Variants in ITGA1 observed in about 807,000 individuals in gnomAD.
ITGA1 encodes integrin alpha-1.
In ITGA1, 85 loss-of-function variants were observed where a neutral mutation model predicts 145.9. That is an observed-to-expected ratio of 0.58 (90% CI 0.49 to 0.70). The LOEUF is 0.70. Ranked by LOEUF, ITGA1 falls within the 30% of genes least tolerant of loss-of-function variation. ITGA1 has a pLI of 0.00. For missense variants in ITGA1, 1,351 were observed against 1,418.7 expected (o/e 0.95, Z 0.77); for synonymous variants, 520 against 495.3 (o/e 1.05, Z -0.66).
Position 52,932,111 on chromosome 5 carries a change from T to A in ITGA1, c.2836T>A (p.Tyr946Asn). The change falls in exon 22 of 29, where the codon TAT becomes AAT. Residue 946 changes from tyrosine (Y) to asparagine (N), a missense_variant. By Grantham distance (143) the Tyr-to-Asn change is moderately radical. Transcript: ENST00000282588. ...NVVNISIPVK[Y>N]EVGLQFYSSA... is the part of the protein sequence containing the mutation. ...AGTAAACATTTCTATCCCGGTAAAA[T>A]ATGAAGTTGGACTACAGTTTTACAG... The A allele has an allele frequency of 6.2e-7, 1 of 1,608,578 alleles. No homozygotes were observed. The highest frequency in any genetic ancestry group is 8.5e-7 in the Non-Finnish European group (1 of 1,175,356).
chr5:52,801,827 C>A, intron 1 of ITGA1: 1 of 1,603,456 alleles, frequency 6.2e-7, no homozygotes, highest in South Asian at 1.1e-5. Flanking sequence ...GATTCCAGTT[C>A]TGAAGAGGAT....
intron 10 of ITGA1, 36 bp downstream of exon 10, chr5:52,897,564 T>C (rs1750245885): frequency 6.5e-7 from 1 of 1,537,178 alleles, no homozygotes; most frequent in Non-Finnish European, 9.0e-7. Context: ...GAAATATATG[T>C]TTGCAAGACT....
intron 6 of ITGA1, among the ~76,000 whole-genome samples, chr5:52,878,111 A>G (rs1458761052): frequency 6.6e-6 from 1 of 152,132 alleles, no homozygotes; most frequent in Admixed American, 6.6e-5. Context: ...TGCACTCACC[A>G]TTGCCTGTGG....
At chr5:52,870,440 G>A (rs1190441632) in intron 6 of ITGA1, among the ~76,000 whole-genome samples, 1 of 33,030 alleles carries the variant, frequency 3.0e-5, no homozygotes, top group Non-Finnish European at 6.2e-5. Flanking sequence ...AAAAGACTAT[G>A]AATGTAGTTG....
Position 52,838,663 on chromosome 5 carries a change from AG to A in ITGA1, c.62-10700del, listed in dbSNP as rs545984817. Reference sequence around the variant, plus strand: ...TCCCACAGCAAAATAAAACATAGGTAGGCCTCATTTTATGTTTTGATTATGT... The same window carrying A: ...TCCCACAGCAAAATAAAACATAGGTAGCCTCATTTTATGTTTTGATTATGT... On this transcript the variant is annotated intron_variant, in intron 1 of 28. Coordinates refer to ENST00000282588, the MANE Select transcript of ITGA1 (RefSeq NM_181501.2). 9.8e-5 allele frequency among the ~76,000 whole-genome samples: 15 copies of A among 152,346 alleles called. No homozygotes were observed. In the East Asian group the frequency reaches 2.3e-3, roughly 23 times the overall value.
chr5:52,925,544 T>C, intron 19 of ITGA1, 57 bp downstream of exon 19: 2 of 1,283,090 alleles, frequency 1.6e-6, no homozygotes, highest in Non-Finnish European at 2.3e-6. Context: ...CTGGCCTACT[T>C]TTCATGCTAC....
At chr5:52,901,023 G>A (rs1329470327) in intron 11 of ITGA1, among the ~76,000 whole-genome samples, 1 of 152,140 alleles carries the variant, frequency 6.6e-6, no homozygotes, top group Non-Finnish European at 1.5e-5. Flanking sequence ...TACTTTGCAT[G>A]GCAAAAGGGA....
rs1751338136 is a variant in ITGA1, at chr5:52,958,758, C to T, written c.*6307C>T. ...CTACTGCCCTGAAATATCCATCACT[C>T]CAATGAACTGTTCTGCCTGATCTAA... On this transcript the variant is annotated 3_prime_UTR_variant, in exon 29 of 29. Transcript: ENST00000282588. The T allele has an allele frequency of 6.6e-6, 1 of 152,132 alleles. No homozygotes were observed. The highest frequency in any genetic ancestry group is 1.5e-5 in the Non-Finnish European group (1 of 68,006). 9.4% of individuals were successfully genotyped at this position (152,132 alleles called of 1,614,324 possible). A position where few individuals can be genotyped will look rare whatever the true frequency, so the allele number is the denominator to read the frequency against.
In ITGA1 at chr5:52,849,345, ATT is replaced by A; in HGVS notation, c.62-17_62-16del. On this transcript the variant is annotated intron_variant, in intron 1 of 28. Transcript: ENST00000282588. ...CTCTTAGTTAACTCTATGTAACTGG[ATT>A]TTGTTTTTCTCCTAAAGTTGTTCTA... 6 of 1,583,746 alleles carry A rather than the reference ATT, an allele frequency of 3.8e-6. No homozygotes were observed. The highest frequency in any genetic ancestry group is 4.3e-6 in the Non-Finnish European group (5 of 1,159,284).
At position 52,905,892 on chromosome 5, in the gene ITGA1, C is replaced by T. The variant is rs4145748; in HGVS notation, c.1439C>T (p.Thr480Met). Residue 480 changes from threonine to methionine, a missense_variant, in exon 12 of 29, where the codon ACG (threonine) becomes ATG (methionine). By Grantham distance (81) the Thr-to-Met change is moderately conservative (BLOSUM62 -1). Transcript: ENST00000282588. ...MEDGNIKILQ[T>M]LSGEQIGSYF... is the part of the protein sequence containing the mutation. ...GATGGAAACATCAAAATTCTCCAGACGCTCAGTGGAGAACAGGTAAACTTG... is the reference window on the plus strand; with the variant it reads ...GATGGAAACATCAAAATTCTCCAGATGCTCAGTGGAGAACAGGTAAACTTG... 0.069 allele frequency: 110,377 copies of T among 1,611,068 alleles called. 6,327 individuals are homozygous for T. The highest frequency in any genetic ancestry group is 0.28 in the Admixed American group (17,035 of 59,952).
chr5:52,878,312 T>C (rs1201813161), intron 6 of ITGA1, among the ~76,000 whole-genome samples: 3 of 152,174 alleles, frequency 2.0e-5, no homozygotes, highest in African/African-American at 7.2e-5. Context: ...TATTTTAAGA[T>C]TTACAAAGAA....
Position 52,874,302 on chromosome 5 carries a change from C to T in ITGA1, c.625-7571C>T, listed in dbSNP as rs540697220. ...GCCCCACAAGAGTGAGAACTCACTC[C>T]TGTGATAAAGTCCCTCTTGACTCCT... On this transcript the variant is annotated intron_variant, in intron 6 of 28. Coordinates refer to ENST00000282588, the MANE Select transcript of ITGA1 (RefSeq NM_181501.2). 6.6e-5 allele frequency among the ~76,000 whole-genome samples: 10 copies of T among 152,074 alleles called. No individual in the cohort carries two copies. The South Asian group carries it at 1.9e-3, about 28-fold the overall frequency.
At chr5:52,860,131 T>G (rs1280662172) in intron 2 of ITGA1, among the ~76,000 whole-genome samples, 1 of 152,240 alleles carries the variant, frequency 6.6e-6, no homozygotes, top group African/African-American at 2.4e-5. Context: ...AATGTTGAGA[T>G]TCATCTGAAT....
chr5:52,953,482 T>G lies in ITGA1; in HGVS notation c.*1031T>G, dbSNP rs1480712582. ...TATTTTTAATTTTTTAAAAGGTATT[T>G]AATTTCCAACCACACTTCTTATTTT... On this transcript the variant is annotated 3_prime_UTR_variant, in exon 29 of 29. Coordinates refer to ENST00000282588, the MANE Select transcript of ITGA1 (RefSeq NM_181501.2). The G allele has an allele frequency of 6.6e-6, 1 of 152,246 alleles. No individual in the cohort carries two copies. The highest frequency in any genetic ancestry group is 1.5e-5 in the Non-Finnish European group (1 of 68,036). 9.4% of individuals were successfully genotyped at this position (152,246 alleles called of 1,614,324 possible). A position where few individuals can be genotyped will look rare whatever the true frequency, so the allele number is the denominator to read the frequency against.
rs746464671 is a variant in ITGA1 at position 52,933,883 on chromosome 5, A to G, written c.2862-11A>G. 1 of 1,368,550 alleles carries G rather than the reference A, an allele frequency of 7.3e-7. No homozygotes were observed. Among genetic ancestry groups the G allele is most frequent in the South Asian group, 1.5e-5 (1 of 65,862 alleles). The allele number at this position is 1,368,550 out of a possible 1,614,324, so 84.8% of individuals were successfully genotyped here. ...GTTATGTTTTATTTTTCTTCTAATT[A>G]ATTTTTTAAGCTCTGCAAGTGAATA... On this transcript the variant is annotated splice_polypyrimidine_tract_variant and intron_variant, in intron 22 of 28. Coordinates refer to ENST00000282588, the MANE Select transcript of ITGA1 (RefSeq NM_181501.2).
At chr5:52,800,048 C>G (rs1341171717) in intron 1 of ITGA1, 91 of 312,374 alleles carry the variant, frequency 2.9e-4, no homozygotes, top group Non-Finnish European at 2.4e-5. Context: ...CCTTTGGGGA[C>G]GGGAGACGTG....
At chr5:52,843,942 G>GTTATTA (rs1298686997) in intron 1 of ITGA1, among the ~76,000 whole-genome samples, 1 of 151,848 alleles carries the variant, frequency 6.6e-6, no homozygotes, top group Non-Finnish European at 1.5e-5. Context: ...TATCATTACT[G>GTTATTA]TTATTATTAT....
intron 28 of ITGA1, among the ~76,000 whole-genome samples, chr5:52,951,536 A>G (rs1440506525): frequency 6.6e-6 from 1 of 152,166 alleles, no homozygotes; most frequent in East Asian, 1.9e-4. Flanking sequence ...CAACAACTTC[A>G]TTTTTTATTT....
intron 28 of ITGA1, among the ~76,000 whole-genome samples, chr5:52,950,495 A>G (rs938917298): frequency 6.6e-6 from 1 of 152,194 alleles, no homozygotes; most frequent in African/African-American, 2.4e-5. Flanking sequence ...GGTTTTGAAC[A>G]AGGGATCATG....
Sources: allele counts gnomAD v4.1 joint callset (sites outside exome capture counted in the v4.1 genomes callset), GRCh38; gene constraint gnomAD v4.1.1; transcripts MANE v1.5; gene names NCBI Gene and HGNC (gene_info 2026-07-23, HGNC 2026-07-21).